Variants in APOD observed in about 807,000 individuals in gnomAD.
APOD encodes apolipoprotein D, also known as apo-D.
APOD carries 22 observed loss-of-function variants against 20.4 expected under a neutral mutation model. The observed-to-expected ratio is 1.08, with a 90% CI of 0.77 to 1.54. The LOEUF (loss-of-function observed/expected upper bound fraction) is 1.54. APOD is among the 40% of genes most tolerant of loss of function. The probability of loss-of-function intolerance (pLI) is 0.00; values close to 1 mark genes in which losing one functional copy is unlikely to be tolerated. For missense variants in APOD, 223 were observed against 229.6 expected (o/e 0.97, Z 0.19); for synonymous variants, 97 against 92.4 (o/e 1.05, Z -0.29).
chr3:195,576,214 C>A (rs896722464), intron 2 of APOD, among the ~76,000 whole-genome samples: 2 of 152,142 alleles, frequency 1.3e-5, no homozygotes, highest in Non-Finnish European at 2.9e-5. Context: ...CAAATCTGTT[C>A]TATTTCTGTT....
chr3:195,571,216 G>T, intron 4 of APOD, 61 bp downstream of exon 4: 1 of 1,427,188 alleles, frequency 7.0e-7, no homozygotes, highest in Non-Finnish European at 9.9e-7. Context: ...AAGCCGGGGC[G>T]CTAGCCTTCA....
intron 3 of APOD, among the ~76,000 whole-genome samples, chr3:195,572,229 G>C (rs983851977): frequency 2.0e-5 from 3 of 152,220 alleles, no homozygotes; most frequent in Non-Finnish European, 4.4e-5. Flanking sequence ...CCCATCAAGG[G>C]GCCTGAGTCC....
intron 2 of APOD, among the ~76,000 whole-genome samples, chr3:195,578,086 G>A (rs1720275873): frequency 6.6e-6 from 1 of 152,164 alleles, no homozygotes; most frequent in Non-Finnish European, 1.5e-5. Context: ...CAATAAAGCT[G>A]CTATTTTTTA....
intron 2 of APOD, among the ~76,000 whole-genome samples, chr3:195,576,391 C>T (rs1280597061): frequency 1.3e-5 from 2 of 152,212 alleles, no homozygotes; most frequent in Non-Finnish European, 2.9e-5. Context: ...AGAGGTAAAA[C>T]TCTATCTGTT....
intron 1 of APOD, chr3:195,582,789 T>G (rs1720362171): frequency 6.6e-6 from 1 of 151,878 alleles, no homozygotes; most frequent in Non-Finnish European, 1.5e-5. Context: ...AAAAATTAGC[T>G]GGGCATGGTG....
intron 4 of APOD, among the ~76,000 whole-genome samples, chr3:195,569,925 G>A (rs1034752067): frequency 6.7e-6 from 1 of 149,608 alleles, no homozygotes; most frequent in Non-Finnish European, 1.5e-5. Context: ...TCAGCATCCT[G>A]AGTAGCTGGG....
At chr3:195,577,119 G>A (rs781366926) in intron 2 of APOD, 20 of 326,494 alleles carry the variant, frequency 6.1e-5, no homozygotes, top group South Asian at 3.1e-4. Context: ...CCCGGGAGGC[G>A]GAGGTTGCAG....
In APOD at chr3:195,573,834, G is replaced by A. The variant is rs1428510078; in HGVS notation, c.245+16C>T. The A allele has an allele frequency of 8.7e-6, 14 of 1,612,776 alleles. No homozygotes were observed. The highest frequency in any genetic ancestry group is 1.3e-5 in the African/African-American group (1 of 74,960). ...GCACTCCGCAGGCCTGGCCCCGGACGCCCACAGCCACTCACCTCAACTCCT... is the reference window on the plus strand; with the variant it reads ...GCACTCCGCAGGCCTGGCCCCGGACACCCACAGCCACTCACCTCAACTCCT... On this transcript the variant is annotated intron_variant, in intron 3 of 4. Transcript: ENST00000343267.
At chr3:195,571,513 T>C in intron 3 of APOD, 148 bp from the exon 4 acceptor site, 1 of 688,756 alleles carries the variant, frequency 1.5e-6, no homozygotes, top group Non-Finnish European at 2.4e-6. Context: ...AGAGAGGCTC[T>C]CAAAGGCAGG....
chr3:195,573,744 C>A, intron 3 of APOD, 106 bp downstream of exon 3: 1 of 1,431,224 alleles, frequency 7.0e-7, no homozygotes, highest in Non-Finnish European at 9.5e-7. Flanking sequence ...AGCAGGCAGT[C>A]CCGATCCAGC....
intron 2 of APOD, among the ~76,000 whole-genome samples, chr3:195,576,392 T>G (rs1720248120): frequency 6.6e-6 from 1 of 152,224 alleles, no homozygotes. Context: ...GAGGTAAAAC[T>G]CTATCTGTTT....
intron 2 of APOD, among the ~76,000 whole-genome samples, chr3:195,577,949 G>A (rs552354708): frequency 1.2e-4 from 18 of 152,260 alleles, no homozygotes; most frequent in East Asian, 1.2e-3. Flanking sequence ...GTTCCTTTTC[G>A]GAACAGTGAA....
At chr3:195,574,455 G>A (rs190132458) in intron 2 of APOD, among the ~76,000 whole-genome samples, 102 of 152,232 alleles carry the variant, frequency 6.7e-4, no homozygotes, top group Admixed American at 2.0e-3. Context: ...TTCTCTAGGG[G>A]CCTGCGCTCA....
chr3:195,582,188 C>T (rs1017059462), intron 1 of APOD, among the ~76,000 whole-genome samples: 26 of 152,060 alleles, frequency 1.7e-4, no homozygotes, highest in African/African-American at 6.3e-4. Context: ...GAGCAAAACT[C>T]CGTCTCAAAA....
intron 4 of APOD, 40 bp downstream of exon 4, chr3:195,571,237 T>A: frequency 6.3e-7 from 1 of 1,575,940 alleles, no homozygotes; most frequent in Non-Finnish European, 8.7e-7. Flanking sequence ...GTTTGCATAT[T>A]TCCTGTCCCT....
chr3:195,579,531 G>A (rs751926733), intron 1 of APOD, 36 bp from the exon 2 acceptor site: 6 of 1,587,744 alleles, frequency 3.8e-6, no homozygotes, highest in Non-Finnish European at 5.1e-6. Context: ...TTGTCATTCT[G>A]AGCCTTCTAA....
intron 2 of APOD, 70 bp from the exon 3 acceptor site, chr3:195,574,041 T>A: frequency 2.5e-6 from 4 of 1,586,696 alleles, no homozygotes; most frequent in East Asian, 4.5e-5. Flanking sequence ...CCCATTGTCG[T>A]GCAGACGCAG....
At chr3:195,580,067 G>A (rs1720309937) in intron 1 of APOD, among the ~76,000 whole-genome samples, 1 of 152,140 alleles carries the variant, frequency 6.6e-6, no homozygotes, top group African/African-American at 2.4e-5. Context: ...TTAACAGGGA[G>A]CGGCCTGCTG....
Position 195,573,903 on chromosome 3 carries a change from G to T in APOD, c.192C>A (p.Ala64=), listed in dbSNP as rs1720208240. ...TTFENGRCIQ[A]NYSLMENGKI... is the part of the protein sequence containing the mutation. ...TTCCGTTTTCCATTAGTGAGTAGTT[G>T]GCCTGGATGCAGCGTCCATTCTCAA... Residue 64 remains alanine (A), a synonymous_variant, in exon 3 of 5, where the codon GCC becomes GCA. Coordinates refer to ENST00000343267, the MANE Select transcript of APOD (RefSeq NM_001647.4). 1 of 1,614,032 alleles carries T rather than the reference G, an allele frequency of 6.2e-7. No homozygotes were observed. The highest frequency in any genetic ancestry group is 1.1e-5 in the South Asian group (1 of 91,084).
Sources: gnomAD v4.1 joint callset for allele counts (sites outside exome capture counted in the v4.1 genomes callset) on GRCh38, gnomAD v4.1.1 for gene constraint, MANE v1.5 for transcripts, NCBI Gene and HGNC (gene_info 2026-07-23, HGNC 2026-07-21) for gene names.